ADGRL3: variants seen among roughly 807,000 people sequenced by gnomAD.
ADGRL3 encodes the protein adhesion G protein-coupled receptor L3.
ADGRL3 carries 62 observed loss-of-function variants against 153.5 expected under a neutral mutation model. That is an observed-to-expected ratio of 0.40 (90% CI 0.33 to 0.50). ADGRL3 has a LOEUF of 0.50. ADGRL3 is among the 20% of genes least tolerant of loss of function. ADGRL3 has a pLI of 0.47. For synonymous variants in ADGRL3, 710 were observed against 672.5 expected (o/e 1.06, Z -0.86); for missense variants, 1,641 against 1,859.4 (o/e 0.88, Z 2.16).
At chr4:62,053,689 C>T (rs1735482105) in intron 25 of ADGRL3, among the ~76,000 whole-genome samples, 1 of 151,480 alleles carries the variant, frequency 6.6e-6, no homozygotes. Context: ...TAAAATAAGC[C>T]TTCTGTAACA....
intron 1 of ADGRL3, among the ~76,000 whole-genome samples, chr4:61,327,581 A>G (rs1011155162): frequency 1.1e-4 from 17 of 152,006 alleles, no homozygotes; most frequent in African/African-American, 4.1e-4. Flanking sequence ...CAGTCAATTC[A>G]AAGGACTGAT....
intron 5 of ADGRL3, among the ~76,000 whole-genome samples, chr4:61,673,640 A>ATTT (rs1224538953): frequency 1.3e-5 from 2 of 151,464 alleles, no homozygotes; most frequent in Non-Finnish European, 3.0e-5. Context: ...AACTGAAGTC[A>ATTT]TTTAAAAAAA....
intron 9 of ADGRL3, among the ~76,000 whole-genome samples, chr4:61,856,084 C>G (rs1295438904): frequency 6.6e-6 from 1 of 152,092 alleles, no homozygotes; most frequent in African/African-American, 2.4e-5. Context: ...ATTCAAGGAA[C>G]TGGCCAAGGA....
chr4:61,647,302 C>T (rs1052851650), intron 5 of ADGRL3, among the ~76,000 whole-genome samples: 3 of 152,098 alleles, frequency 2.0e-5, no homozygotes, highest in Non-Finnish European at 1.5e-5. Context: ...TGGCTCCTCC[C>T]CGATTTAACT....
intron 1 of ADGRL3, among the ~76,000 whole-genome samples, chr4:61,243,890 TAA>T (rs1308342404): frequency 6.6e-6 from 1 of 152,086 alleles, no homozygotes; most frequent in Non-Finnish European, 1.5e-5. Context: ...ACCACACTAT[TAA>T]GATTCAGTTA....
chr4:61,626,555 A>C (rs1000712764), intron 5 of ADGRL3, among the ~76,000 whole-genome samples: 1 of 152,122 alleles, frequency 6.6e-6, no homozygotes, highest in African/African-American at 2.4e-5. Flanking sequence ...CTAATTAAAA[A>C]TTTAACTTTA....
intron 3 of ADGRL3, among the ~76,000 whole-genome samples, chr4:61,514,806 T>C (rs1216942612): frequency 6.6e-6 from 1 of 152,186 alleles, no homozygotes; most frequent in Non-Finnish European, 1.5e-5. Flanking sequence ...TCTTTCTAGA[T>C]CCCTAAGAGT....
intron 8 of ADGRL3, among the ~76,000 whole-genome samples, chr4:61,754,825 T>G (rs1373081633): frequency 6.6e-6 from 1 of 151,920 alleles, no homozygotes; most frequent in Non-Finnish European, 1.5e-5. Context: ...TGTGTCCATG[T>G]GTTCTCATTG....
rs548902872 is a variant in ADGRL3, at chr4:61,563,176, AAAC to A, written c.260-24046_260-24044del. Among the ~76,000 whole-genome samples, 121 of 152,310 alleles carry A rather than the reference AAAC, an allele frequency of 7.9e-4. 2 individuals are homozygous for A. The highest frequency in any genetic ancestry group is 2.9e-3 in the African/African-American group (119 of 41,576). On this transcript the variant is annotated intron_variant, in intron 4 of 26. Transcript: ENST00000683033. ...GAGTATGTTGTGTTAGCAGGCATGA[AAAC>A]AACATTAATGTCCTTGAACATCTCC...
At chr4:61,595,899 C>T (rs2098987163) in intron 5 of ADGRL3, among the ~76,000 whole-genome samples, 3 of 152,260 alleles carry the variant, frequency 2.0e-5, no homozygotes, top group Non-Finnish European at 4.4e-5. Flanking sequence ...TGGGTGCTGG[C>T]TGAGCCCAGC....
chr4:61,677,551 T>G (rs1185200830), intron 6 of ADGRL3: 1 of 160,294 alleles, frequency 6.2e-6, no homozygotes, highest in Non-Finnish European at 1.4e-5. Flanking sequence ...TCAAAAAATC[T>G]AAAATGAAAC....
intron 6 of ADGRL3, among the ~76,000 whole-genome samples, chr4:61,713,499 T>C (rs2096044249): frequency 2.0e-5 from 3 of 151,988 alleles, no homozygotes; most frequent in South Asian, 4.1e-4. Flanking sequence ...AGGTCTATTA[T>C]ATTCTCTCAG....
chr4:61,801,917 C>A (rs1243999379), intron 8 of ADGRL3, among the ~76,000 whole-genome samples: 1 of 152,074 alleles, frequency 6.6e-6, no homozygotes, highest in Non-Finnish European at 1.5e-5. Flanking sequence ...ATGAGTGTTT[C>A]TCTCTCACTA....
intron 2 of ADGRL3, among the ~76,000 whole-genome samples, chr4:61,457,082 T>C (rs895075838): frequency 2.0e-5 from 3 of 152,042 alleles, no homozygotes; most frequent in Admixed American, 2.0e-4. Context: ...TTCTTGCCTT[T>C]AAATTTTTTT....
intron 3 of ADGRL3, among the ~76,000 whole-genome samples, chr4:61,516,077 T>C (rs2098492214): frequency 1.3e-5 from 2 of 152,176 alleles, no homozygotes; most frequent in Non-Finnish European, 1.5e-5. Flanking sequence ...CTCAGACTTA[T>C]ATTTTAAAGT....
chr4:61,743,251 C>G (rs1374435741), intron 8 of ADGRL3, among the ~76,000 whole-genome samples: 2 of 140,230 alleles, frequency 1.4e-5, no homozygotes, highest in Admixed American at 1.6e-4. Context: ...ACCCAGGAGG[C>G]GGAGCTTGCA....
intron 1 of ADGRL3, among the ~76,000 whole-genome samples, chr4:61,219,022 G>A (rs964144332): frequency 6.6e-6 from 1 of 152,174 alleles, no homozygotes; most frequent in African/African-American, 2.4e-5. Flanking sequence ...GGGGGCTGTG[G>A]AGAGACCAGT....
At chr4:61,565,020 A>T (rs1181275693) in intron 4 of ADGRL3, among the ~76,000 whole-genome samples, 1 of 152,218 alleles carries the variant, frequency 6.6e-6, no homozygotes, top group Non-Finnish European at 1.5e-5. Context: ...ATGTGATAAT[A>T]ATGAAAAATG....
At chr4:61,326,993 C>CA (rs2095478698) in intron 1 of ADGRL3, among the ~76,000 whole-genome samples, 1 of 151,636 alleles carries the variant, frequency 6.6e-6, no homozygotes, top group South Asian at 2.1e-4. Flanking sequence ...ATACAAGCAC[C>CA]AAACCTAGGT....
Sources: allele counts gnomAD v4.1 joint callset (sites outside exome capture counted in the v4.1 genomes callset), GRCh38; gene constraint gnomAD v4.1.1; transcripts MANE v1.5; gene names NCBI Gene and HGNC (gene_info 2026-07-23, HGNC 2026-07-21).